HIP1: variants seen among roughly 807,000 people sequenced by gnomAD.
The protein encoded by HIP1 is huntingtin interacting protein 1.
HIP1 carries 65 observed loss-of-function variants against 147.6 expected under a neutral mutation model. The ratio of observed to expected loss-of-function variants is 0.44; its 90% CI spans 0.36 to 0.54. HIP1 has a LOEUF of 0.54. HIP1 is among the 20% of genes least tolerant of loss of function. The pLI, the probability that HIP1 is intolerant of heterozygous loss-of-function variation, is 0.00. For missense variants in HIP1, 1,061 were observed against 1,299.6 expected (o/e 0.82, Z 2.82); for synonymous variants, 479 against 504.0 (o/e 0.95, Z 0.67).
intron 27 of HIP1, 27 bp downstream of exon 27, chr7:75,544,668 G>A (rs782033418): frequency 3.6e-5 from 49 of 1,378,868 alleles, no homozygotes; most frequent in Admixed American, 1.7e-4. Flanking sequence ...GCCTTCCAGC[G>A]TCCTAGGAGG....
At chr7:75,564,638 A>C (rs1795342933) in intron 9 of HIP1, among the ~76,000 whole-genome samples, 2 of 152,178 alleles carry the variant, frequency 1.3e-5, no homozygotes, top group Admixed American at 1.3e-4. Flanking sequence ...TCTGTCGCCC[A>C]GGCTGGAGTA....
chr7:75,627,600 A>G (rs1014024705), intron 1 of HIP1, among the ~76,000 whole-genome samples: 2 of 152,196 alleles, frequency 1.3e-5, no homozygotes, highest in Non-Finnish European at 2.9e-5. Flanking sequence ...GTTCCAGTTG[A>G]TGTTACTTGG....
chr7:75,605,318 G>A (rs2117033419), intron 1 of HIP1, among the ~76,000 whole-genome samples: 1 of 152,298 alleles, frequency 6.6e-6, no homozygotes, highest in African/African-American at 2.4e-5. Flanking sequence ...ACAAGTAAAG[G>A]CACCAAAGTG....
chr7:75,540,523 T>G lies in HIP1; in HGVS notation c.2953-1092A>C, dbSNP rs587643588. On this transcript the variant is annotated intron_variant, in intron 29 of 30. Transcript: ENST00000336926. ...TACTCAGGAGGCTGAGGTGGGAGGA[T>G]CCGCCTGAGCCCAGGAGTTTGAGGC... Among the ~76,000 whole-genome samples the G allele has an allele frequency of 4.7e-4, 71 of 151,578 alleles. 1 individual carries two copies. Among genetic ancestry groups the G allele is most frequent in the Non-Finnish European group, 4.4e-5 (3 of 67,922 alleles).
Position 75,632,289 on chromosome 7 carries a change from G to C in HIP1, c.121-33042C>G, listed in dbSNP as rs193008249. ...CTCACCCAGGGGCCTACGTAAAAAG[G>C]GGGTATTCAGTATGTGAGTGAATTG... On this transcript the variant is annotated intron_variant, in intron 1 of 30. Transcript: ENST00000336926. Among the ~76,000 whole-genome samples, 141 of 152,206 alleles carry C rather than the reference G, an allele frequency of 9.3e-4. 2 individuals carry two copies. The Middle Eastern group carries it at 0.017, about 18-fold the overall frequency.
Position 75,573,803 on chromosome 7 carries a change from G to T in HIP1, c.703C>A (p.Leu235Ile). Reference sequence around the variant, plus strand: ...AGAAGCTTGACAGTGTAGTCATAAAGGTGGCTGCAGTCCAAGATGACCTGG... The same window carrying T: ...AGAAGCTTGACAGTGTAGTCATAAATGTGGCTGCAGTCCAAGATGACCTGG... ...LIQVILDCSH[L>I]YDYTVKLLFK... Residue 235 changes from leucine (L) to isoleucine (I), a missense_variant, in exon 8 of 31, where the codon CTT (leucine) becomes ATT (isoleucine). Around this residue, in one of 3 missense-constraint regions of HIP1, gnomAD observed 26 missense variants for 59.9 expected, o/e 0.43. Transcript: ENST00000336926. 6.2e-7 allele frequency: 1 copy of T among 1,614,168 alleles called. No individual in the cohort carries two copies.
At chr7:75,711,094 C>T (rs1190897534) in intron 1 of HIP1, among the ~76,000 whole-genome samples, 1 of 152,100 alleles carries the variant, frequency 6.6e-6, no homozygotes, top group Non-Finnish European at 1.5e-5. Context: ...CCAGAATTTC[C>T]CCCAAAGTAT....
At chr7:75,639,837 C>T (rs1361734930) in intron 1 of HIP1, among the ~76,000 whole-genome samples, 1 of 151,994 alleles carries the variant, frequency 6.6e-6, no homozygotes, top group Non-Finnish European at 1.5e-5. Context: ...AGGGGCCTCC[C>T]GAATGAGACT....
chr7:75,578,961 A>G (rs1795940578), intron 7 of HIP1, among the ~76,000 whole-genome samples: 2 of 151,484 alleles, frequency 1.3e-5, no homozygotes, highest in South Asian at 4.2e-4. Context: ...GATTACAGGC[A>G]CACACCATCA....
At chr7:75,638,407 G>A (rs942969645) in intron 1 of HIP1, among the ~76,000 whole-genome samples, 5 of 151,920 alleles carry the variant, frequency 3.3e-5, no homozygotes, top group African/African-American at 7.3e-5. Context: ...GGGCTTCTCT[G>A]GGGGAGGGCA....
chr7:75,575,927 A>G (rs1395678844), intron 7 of HIP1, among the ~76,000 whole-genome samples: 1 of 151,970 alleles, frequency 6.6e-6, no homozygotes, highest in African/African-American at 2.4e-5. Flanking sequence ...AAAAAAAAAA[A>G]TCCCGAACTG....
intron 1 of HIP1, among the ~76,000 whole-genome samples, chr7:75,636,259 G>A (rs782683524): frequency 6.6e-5 from 10 of 150,830 alleles, no homozygotes; most frequent in South Asian, 6.3e-4. Flanking sequence ...GCTGAGGCAC[G>A]AGAATCGCCT....
intron 4 of HIP1, among the ~76,000 whole-genome samples, chr7:75,590,395 T>A (rs1030656355): frequency 3.9e-5 from 6 of 152,130 alleles, no homozygotes; most frequent in Non-Finnish European, 7.4e-5. Flanking sequence ...AGATTTATTT[T>A]TTAACCTCCC....
intron 2 of HIP1, among the ~76,000 whole-genome samples, chr7:75,596,247 A>AAAAG: frequency 6.6e-6 from 1 of 151,752 alleles, no homozygotes; most frequent in African/African-American, 2.4e-5. Context: ...AAAAAAAAAA[A>AAAAG]AAAAAAAAAA....
intron 14 of HIP1, among the ~76,000 whole-genome samples, chr7:75,558,987 C>T (rs587766497): frequency 1.3e-5 from 2 of 152,266 alleles, no homozygotes; most frequent in East Asian, 3.9e-4. Flanking sequence ...CCACTGCATT[C>T]CAGCCTGGGC....
chr7:75,681,510 T>G (rs55982933), intron 1 of HIP1, among the ~76,000 whole-genome samples: 10,457 of 143,144 alleles, frequency 0.073, 740 homozygotes, highest in Admixed American at 0.18. Context: ...TTTTTTTTTT[T>G]TTTTTTTTTT....
At chr7:75,724,372 T>C (rs1223248308) in intron 1 of HIP1, among the ~76,000 whole-genome samples, 1 of 152,148 alleles carries the variant, frequency 6.6e-6, no homozygotes, top group Non-Finnish European at 1.5e-5. Flanking sequence ...CTCAGCCTTC[T>C]GAGTAGCTGC....
chr7:75,561,512 T>G, intron 12 of HIP1, 111 bp from the exon 13 acceptor site: 1 of 754,694 alleles, frequency 1.3e-6, no homozygotes, highest in East Asian at 2.5e-5. Flanking sequence ...GGGACAATTC[T>G]TTGAAATGCC....
At chr7:75,639,755 C>T (rs150921548) in intron 1 of HIP1, among the ~76,000 whole-genome samples, 6 of 152,196 alleles carry the variant, frequency 3.9e-5, no homozygotes, top group African/African-American at 9.6e-5. Context: ...TCCGCTCGGC[C>T]CCTCCCCACT....
Sources: gnomAD v4.1 joint callset for allele counts (sites outside exome capture counted in the v4.1 genomes callset) on GRCh38, gnomAD v4.1.1 for gene constraint, gnomAD v4.1.1 regional missense constraint, MANE v1.5 for transcripts, NCBI Gene and HGNC (gene_info 2026-07-23, HGNC 2026-07-21) for gene names.